KALRN: variants seen among roughly 807,000 people sequenced by gnomAD.
KALRN encodes the protein kalirin RhoGEF kinase.
KALRN carries 70 observed loss-of-function variants against 353.7 expected under a neutral mutation model. The observed-to-expected ratio is 0.20, with a 90% CI of 0.16 to 0.24. The LOEUF (loss-of-function observed/expected upper bound fraction) is 0.24. KALRN is among the 10% of genes least tolerant of loss of function. The pLI is 1.00. For missense variants in KALRN, 2,791 were observed against 3,756.7 expected, an observed-to-expected ratio of 0.74 and a Z score of 6.72; for synonymous variants, 1,391 against 1,434.8, an observed-to-expected ratio of 0.97 and a Z score of 0.69.
intron 51 of KALRN, among the ~76,000 whole-genome samples, chr3:124,680,465 C>A (rs1156649619): frequency 6.6e-6 from 1 of 152,252 alleles, no homozygotes; most frequent in East Asian, 1.9e-4. Context: ...TTCTCCAGAT[C>A]TGTGCATCCA....
intron 33 of KALRN, among the ~76,000 whole-genome samples, chr3:124,536,718 A>G (rs2068553665): frequency 6.6e-5 from 10 of 152,224 alleles, no homozygotes. Flanking sequence ...TTTCCTTCTT[A>G]ACATTTAAAA....
chr3:124,718,117 T>C (rs2063241495), intron 59 of KALRN, among the ~76,000 whole-genome samples: 1 of 139,114 alleles, frequency 7.2e-6, no homozygotes, highest in Admixed American at 7.6e-5. Flanking sequence ...CATCCCATTA[T>C]GACTATTTTT....
chr3:124,705,340 C>T (rs2062550795), intron 57 of KALRN, among the ~76,000 whole-genome samples: 1 of 151,940 alleles, frequency 6.6e-6, no homozygotes, highest in Non-Finnish European at 1.5e-5. Flanking sequence ...GAAGAAGAGA[C>T]AAAAATAAAG....
chr3:124,084,043 A>G (rs911468885), intron 1 of KALRN, among the ~76,000 whole-genome samples: 3 of 152,238 alleles, frequency 2.0e-5, no homozygotes, highest in African/African-American at 7.2e-5. Context: ...TTTCCACAGT[A>G]GATTCCCATC....
At chr3:124,051,052 T>C (rs907637942) in intron 1 of KALRN, among the ~76,000 whole-genome samples, 3 of 152,196 alleles carry the variant, frequency 2.0e-5, no homozygotes, top group African/African-American at 7.2e-5. Flanking sequence ...GGTTTAGAAA[T>C]GAGGCTCCCG....
intron 13 of KALRN, among the ~76,000 whole-genome samples, chr3:124,399,079 T>C (rs1404429987): frequency 2.0e-5 from 3 of 152,192 alleles, no homozygotes; most frequent in Non-Finnish European, 4.4e-5. Context: ...TATTTTACTT[T>C]CTGTCTGTAG....
intron 3 of KALRN, among the ~76,000 whole-genome samples, chr3:124,255,725 G>A (rs547629261): frequency 1.3e-5 from 2 of 152,120 alleles, no homozygotes; most frequent in African/African-American, 4.8e-5. Context: ...CCTTATCCCA[G>A]TGCAGATGGA....
At chr3:124,636,793 G>A (rs902214233) in intron 36 of KALRN, among the ~76,000 whole-genome samples, 2 of 152,182 alleles carry the variant, frequency 1.3e-5, no homozygotes, top group Non-Finnish European at 2.9e-5. Context: ...CTCAAGGCTG[G>A]GTTTGTTGAA....
At chr3:124,593,653 C>G (rs1264453710) in intron 34 of KALRN, among the ~76,000 whole-genome samples, 3 of 152,186 alleles carry the variant, frequency 2.0e-5, no homozygotes, top group African/African-American at 7.2e-5. Context: ...CTCCCTGTGT[C>G]CCTGGGGAAT....
chr3:124,650,156 T>A (rs2083259608), intron 37 of KALRN, among the ~76,000 whole-genome samples: 1 of 152,154 alleles, frequency 6.6e-6, no homozygotes, highest in Non-Finnish European at 1.5e-5. Context: ...CCAGGACACT[T>A]GTAAAAGTGT....
At chr3:124,543,175 C>T (rs2069228873) in intron 33 of KALRN, among the ~76,000 whole-genome samples, 1 of 152,034 alleles carries the variant, frequency 6.6e-6, no homozygotes. Flanking sequence ...TCAGAGGTCA[C>T]GCATCAACAC....
intron 17 of KALRN, among the ~76,000 whole-genome samples, 164 bp from the exon 18 acceptor site, chr3:124,438,722 TCA>T (rs2093565919): frequency 6.6e-6 from 1 of 152,164 alleles, no homozygotes; most frequent in African/African-American, 2.4e-5. Context: ...CTCCCAGGTT[TCA>T]GACACAGGAC....
chr3:124,660,392 A>G (rs1405096575), intron 43 of KALRN, among the ~76,000 whole-genome samples: 4 of 151,992 alleles, frequency 2.6e-5, no homozygotes, highest in Non-Finnish European at 4.4e-5. Flanking sequence ...ATAGCTTTGA[A>G]ATTTTGAGGC....
At chr3:124,398,644 C>G (rs1295334358) in intron 12 of KALRN, 53 bp from the exon 13 acceptor site, 1 of 1,590,720 alleles carries the variant, frequency 6.3e-7, no homozygotes, top group Admixed American at 1.7e-5. Flanking sequence ...TCCTCTGTCA[C>G]TTTTAACATG....
chr3:124,250,083 G>A (rs969464297), intron 3 of KALRN, among the ~76,000 whole-genome samples: 5 of 152,130 alleles, frequency 3.3e-5, no homozygotes, highest in African/African-American at 7.2e-5. Flanking sequence ...TTTGTGTGGC[G>A]TGTTGCATTG....
At chr3:124,044,814 ATTCC>A (rs72090008) in intron 1 of KALRN, among the ~76,000 whole-genome samples, 12,446 of 49,422 alleles carry the variant, frequency 0.25, 2,093 homozygotes, top group Non-Finnish European at 0.3. Flanking sequence ...ATGAACACTG[ATTCC>A]TTCCTTCCTT....
At chr3:124,673,924 A>G (rs1301473254) in intron 48 of KALRN, among the ~76,000 whole-genome samples, 2 of 152,208 alleles carry the variant, frequency 1.3e-5, no homozygotes, top group African/African-American at 2.4e-5. Context: ...TTTCAAAAAG[A>G]GAAAAATTTA....
chr3:124,114,927 A>T (rs1451061994), intron 1 of KALRN, among the ~76,000 whole-genome samples: 4 of 152,172 alleles, frequency 2.6e-5, no homozygotes, highest in Non-Finnish European at 5.9e-5. Context: ...TTGAATGCCT[A>T]CCCTGTGCAG....
chr3:124,182,603 T>G (rs747969118), intron 1 of KALRN, among the ~76,000 whole-genome samples: 1 of 152,190 alleles, frequency 6.6e-6, no homozygotes, highest in African/African-American at 2.4e-5. Context: ...TTATACTGAT[T>G]AAGAAGCAAG....
Sources: allele counts gnomAD v4.1 joint callset (sites outside exome capture counted in the v4.1 genomes callset), GRCh38; gene constraint gnomAD v4.1.1; transcripts MANE v1.5; gene names NCBI Gene and HGNC (gene_info 2026-07-23, HGNC 2026-07-21).